PADI4: variants seen among roughly 807,000 people sequenced by gnomAD.
PADI4 encodes protein-arginine deiminase type-4.
PADI4 carries 62 observed loss-of-function variants against 75.0 expected under a neutral mutation model. The observed-to-expected ratio is 0.83, with a 90% CI of 0.67 to 1.02. The LOEUF (loss-of-function observed/expected upper bound fraction) is 1.02. Ranked by LOEUF, PADI4 falls within the 50% of genes least tolerant of loss-of-function variation. The pLI, the probability that PADI4 is intolerant of heterozygous loss-of-function variation, is 0.00. For missense variants in PADI4, 845 were observed against 850.5 expected (o/e 0.99, Z 0.08); for synonymous variants, 361 against 348.1 (o/e 1.04, Z -0.41).
At chr1:17,311,539 T>TA (rs1553141258) in intron 1 of PADI4, among the ~76,000 whole-genome samples, 20 of 150,444 alleles carry the variant, frequency 1.3e-4, no homozygotes, top group African/African-American at 4.6e-4. Flanking sequence ...TTTTTTTTTT[T>TA]AAAAACGGAG....
chr1:17,345,513 A>G (rs992120588), intron 8 of PADI4, among the ~76,000 whole-genome samples: 1 of 152,196 alleles, frequency 6.6e-6, no homozygotes, highest in Non-Finnish European at 1.5e-5. Flanking sequence ...TCATCTTGAC[A>G]TGTACTCCCA....
At chr1:17,336,253 C>G (rs753574562) in intron 4 of PADI4, 27 bp downstream of exon 4, 11 of 1,593,680 alleles carry the variant, frequency 6.9e-6, no homozygotes, top group Non-Finnish European at 9.5e-6. Flanking sequence ...CGCTCCTTTC[C>G]TACTTCTACT....
rs1007640297 is a variant in PADI4, at chr1:17,346,435, C to T, written c.1047+296C>T. Among the ~76,000 whole-genome samples, 9 of 152,160 alleles carry T rather than the reference C, an allele frequency of 5.9e-5. No individual in the cohort carries two copies. Among genetic ancestry groups the T allele is most frequent in the Admixed American group, 5.9e-4 (9 of 15,282 alleles). ...GAAGCTCAGGAGATTGGTGCTCAAC[C>T]AGCCCCTCAAGTGGTCCTCCCTCCA... On this transcript the variant is annotated intron_variant, in intron 9 of 15. Coordinates refer to ENST00000375448, the MANE Select transcript of PADI4 (RefSeq NM_012387.3). This position sits in a 1 kb window ranked among gnomAD's most constrained non-coding sequence, Gnocchi z 4.3.
In PADI4 at chr1:17,356,121, C is replaced by A; in HGVS notation, c.1449C>A (p.Asp483Glu). ...TCCTGAGCTTTGTGCCAGCACCCGA[C>A]AGGAAGGTACAGTCTTGGGGGCTGC... Reference protein sequence around the residue: ...DEFLSFVPAPDRKGFRLLLAS... With the variant: ...DEFLSFVPAPERKGFRLLLAS... The change falls in exon 12 of 16, where the codon GAC becomes GAA. Residue 483 changes from aspartate to glutamate, a missense_variant. By Grantham distance (45) the Asp-to-Glu change is conservative. Transcript: ENST00000375448. This position sits in a 1 kb window ranked among gnomAD's most constrained non-coding sequence, Gnocchi z 4.1. The A allele has an allele frequency of 6.2e-7, 1 of 1,614,114 alleles. No individual in the cohort carries two copies. The highest frequency in any genetic ancestry group is 8.5e-7 in the Non-Finnish European group (1 of 1,179,984).
At chr1:17,332,661 A>G (rs1459257965) in intron 2 of PADI4, among the ~76,000 whole-genome samples, 1 of 152,152 alleles carries the variant, frequency 6.6e-6, no homozygotes, top group Non-Finnish European at 1.5e-5. Context: ...CATTCCACCT[A>G]CTACACCCCC....
intron 1 of PADI4, among the ~76,000 whole-genome samples, chr1:17,323,639 G>A (rs2074068767): frequency 6.6e-6 from 1 of 152,130 alleles, no homozygotes; most frequent in African/African-American, 2.4e-5. Flanking sequence ...TTCAAGACTA[G>A]CCTGCATGAC....
intron 8 of PADI4, among the ~76,000 whole-genome samples, chr1:17,343,406 T>C (rs1462209128): frequency 2.0e-5 from 3 of 152,020 alleles, no homozygotes; most frequent in Non-Finnish European, 4.4e-5. Flanking sequence ...CCTCTTCTGA[T>C]AGCTTCAGGG....
At chr1:17,337,922 A>T in intron 4 of PADI4, 116 bp from the exon 5 acceptor site, 1 of 430,106 alleles carries the variant, frequency 2.3e-6, no homozygotes, top group East Asian at 4.1e-5. Context: ...TCAAAAAAAT[A>T]ATAAATAAAT....
chr1:17,312,455 C>T lies in PADI4; in HGVS notation c.92+4141C>T, dbSNP rs186188317. ...AACCTGGGCAATAAGAGTGAAACTCCGCCTCAAAAAAAAAAAAAAAAAAGT... is the reference window on the plus strand; with the variant it reads ...AACCTGGGCAATAAGAGTGAAACTCTGCCTCAAAAAAAAAAAAAAAAAAGT... On this transcript the variant is annotated intron_variant, in intron 1 of 15. Transcript: ENST00000375448. Among the ~76,000 whole-genome samples the T allele has an allele frequency of 4.6e-3, 407 of 87,756 alleles. 3 individuals carry two copies. Among genetic ancestry groups the T allele is most frequent in the African/African-American group, 0.017 (388 of 23,084 alleles). The allele number at this position is 87,756 out of a possible 152,430, so 57.6% of individuals were successfully genotyped here.
At chr1:17,309,472 T>G (rs929334496) in intron 1 of PADI4, among the ~76,000 whole-genome samples, 1 of 152,082 alleles carries the variant, frequency 6.6e-6, no homozygotes, top group African/African-American at 2.4e-5. Context: ...ATAACTTAAC[T>G]CTTTGTTCAG....
intron 1 of PADI4, among the ~76,000 whole-genome samples, chr1:17,313,871 G>A (rs1356482692): frequency 1.3e-5 from 2 of 152,188 alleles, no homozygotes; most frequent in African/African-American, 2.4e-5. Context: ...TGGGTCACAC[G>A]CTTGAGGGCA....
chr1:17,350,382 T>C (rs2074597451), intron 10 of PADI4, among the ~76,000 whole-genome samples: 1 of 131,350 alleles, frequency 7.6e-6, no homozygotes, highest in Non-Finnish European at 1.7e-5. Flanking sequence ...TACAAGTGAC[T>C]GCAGCATCTC....
intron 1 of PADI4, among the ~76,000 whole-genome samples, chr1:17,320,757 G>C (rs2074019693): frequency 6.6e-6 from 1 of 152,188 alleles, no homozygotes; most frequent in Admixed American, 6.5e-5. Context: ...TTATCAGCAA[G>C]GTCTTTATGA....
At chr1:17,335,704 A>T (rs1484264319) in intron 3 of PADI4, among the ~76,000 whole-genome samples, 1 of 152,214 alleles carries the variant, frequency 6.6e-6, no homozygotes, top group Non-Finnish European at 1.5e-5. Context: ...CAGTCACAAC[A>T]CATGTCATGA....
intron 6 of PADI4, 32 bp from the exon 7 acceptor site, chr1:17,341,911 G>T: frequency 6.4e-7 from 1 of 1,573,522 alleles, no homozygotes; most frequent in Non-Finnish European, 8.7e-7. Context: ...AAGTGGGGAC[G>T]CAGACCTGAG....
At chr1:17,325,591 T>C (rs1278513536) in intron 1 of PADI4, among the ~76,000 whole-genome samples, 5 of 152,138 alleles carry the variant, frequency 3.3e-5, no homozygotes, top group Non-Finnish European at 7.4e-5. Flanking sequence ...ATATTGGCAG[T>C]TTTTTTCTTA....
intron 1 of PADI4, among the ~76,000 whole-genome samples, chr1:17,329,265 GC>G (rs964980102): frequency 6.7e-6 from 1 of 150,346 alleles, no homozygotes; most frequent in Admixed American, 6.7e-5. Flanking sequence ...GGCAGAGCTT[GC>G]AGTGAGCCAA....
In PADI4 at chr1:17,342,293, C is replaced by T. The variant is rs76761936; in HGVS notation, c.832-6C>T. 4.8e-4 allele frequency: 774 copies of T among 1,600,680 alleles called. 5 individuals carry two copies. The African/African-American group carries it at 9.1e-3, about 19-fold the overall frequency. On this transcript the variant is annotated splice_region_variant and splice_polypyrimidine_tract_variant and intron_variant, in intron 7 of 15. Coordinates refer to ENST00000375448, the MANE Select transcript of PADI4 (RefSeq NM_012387.3). ...CCCCTCCTTCCCCTTACCCCCTCCC[C>T]TGCAGGAGCTCCCCGAGGCTGTGGT...
chr1:17,360,182 T>C (rs955573288), intron 15 of PADI4, among the ~76,000 whole-genome samples: 2 of 151,962 alleles, frequency 1.3e-5, no homozygotes, highest in Admixed American at 1.3e-4. Context: ...TCCCAACTAC[T>C]TGAGAGGCGG....
Sources: gnomAD v4.1 joint callset for allele counts (sites outside exome capture counted in the v4.1 genomes callset) on GRCh38, gnomAD v4.1.1 for gene constraint, Gnocchi (gnomAD v3.1) non-coding constraint, MANE v1.5 for transcripts, NCBI Gene and HGNC (gene_info 2026-07-23, HGNC 2026-07-21) for gene names.